The following EYA2 variants were observed in gnomAD, a reference collection of about 807,000 sequenced individuals.
EYA2 encodes the protein protein phosphatase EYA2.
Under a neutral mutation model 69.2 loss-of-function variants are expected in EYA2, and 31 were observed. The observed-to-expected ratio is 0.45, with a 90% CI of 0.34 to 0.60. The LOEUF (loss-of-function observed/expected upper bound fraction) is 0.60. Ranked by LOEUF, EYA2 falls within the 20% of genes least tolerant of loss-of-function variation. The probability of loss-of-function intolerance (pLI) is 0.02; values close to 1 mark genes in which losing one functional copy is unlikely to be tolerated. For synonymous variants in EYA2, 257 were observed against 279.4 expected (o/e 0.92, Z 0.80); for missense variants, 622 against 701.2 (o/e 0.89, Z 1.28).
At chr20:47,172,340 A>G (rs2034338558) in intron 11 of EYA2, among the ~76,000 whole-genome samples, 1 of 151,804 alleles carries the variant, frequency 6.6e-6, no homozygotes, top group Non-Finnish European at 1.5e-5. Flanking sequence ...AGCTCCTCGG[A>G]AGGCTGAGGT....
In EYA2 at chr20:47,173,508, G is replaced by T. The variant is rs4629213; in HGVS notation, c.1198+641G>T. 1.3e-4 allele frequency among the ~76,000 whole-genome samples: 7 copies of T among 52,940 alleles called. No individual in the cohort carries two copies. In the East Asian group the frequency reaches 1.8e-3, roughly 14 times the overall value. 34.7% of individuals were successfully genotyped at this position (52,940 alleles called of 152,430 possible). A position where few individuals can be genotyped will look rare whatever the true frequency, so the allele number is the denominator to read the frequency against. On this transcript the variant is annotated intron_variant, in intron 12 of 15. Transcript: ENST00000327619. ...AGCCTGGGCAACAAAGTGAGACCCC[G>T]TAAAAAAAAAAAAAAAAAAAAAAAC...
At chr20:47,037,237 T>C (rs1440274826) in intron 5 of EYA2, among the ~76,000 whole-genome samples, 2 of 152,106 alleles carry the variant, frequency 1.3e-5, no homozygotes, top group Admixed American at 6.5e-5. Context: ...CCTTGACACC[T>C]GGGGATTATG....
intron 1 of EYA2, among the ~76,000 whole-genome samples, chr20:46,983,282 A>G (rs534256491): frequency 1.3e-5 from 2 of 152,206 alleles, no homozygotes; most frequent in East Asian, 3.9e-4. Context: ...TTTATTGTGT[A>G]TAAAACATTG....
chr20:47,043,286 TTAAG>T (rs1312324186), intron 5 of EYA2, among the ~76,000 whole-genome samples: 1 of 152,134 alleles, frequency 6.6e-6, no homozygotes, highest in Non-Finnish European at 1.5e-5. Flanking sequence ...AGATGTATAT[TTAAG>T]TAGGACAGGA....
intron 5 of EYA2, among the ~76,000 whole-genome samples, chr20:47,063,228 C>A (rs977785954): frequency 6.6e-6 from 1 of 152,152 alleles, no homozygotes; most frequent in South Asian, 2.1e-4. Context: ...AATACTCCAT[C>A]CCCCAGCCCT....
chr20:47,057,510 A>ACCCCCC lies in EYA2; in HGVS notation c.416-14668_416-14663dup, dbSNP rs796462817. 3.8e-4 allele frequency among the ~76,000 whole-genome samples: 36 copies of ACCCCCC among 94,758 alleles called. 2 individuals are homozygous for ACCCCCC. Among genetic ancestry groups the ACCCCCC allele is most frequent in the African/African-American group, 4.1e-4 (12 of 29,422 alleles). 62.2% of individuals were successfully genotyped at this position (94,758 alleles called of 152,430 possible). A position where few individuals can be genotyped will look rare whatever the true frequency, so the allele number is the denominator to read the frequency against. On this transcript the variant is annotated intron_variant, in intron 5 of 15. Transcript: ENST00000327619. Reference sequence around the variant, plus strand: ...TTATCTGCTGACTACTTTTTATATCACCCCCCCCCCCCATCTCATACCTCC... The same window carrying ACCCCCC: ...TTATCTGCTGACTACTTTTTATATCACCCCCCCCCCCCCCCCCCATCTCATACCTCC...
chr20:47,097,245 T>G, intron 9 of EYA2, 77 bp downstream of exon 9: 1 of 1,205,900 alleles, frequency 8.3e-7, no homozygotes, highest in Non-Finnish European at 1.2e-6. Context: ...CTGGAAATTG[T>G]GCGGACAGTT....
intron 1 of EYA2, among the ~76,000 whole-genome samples, chr20:46,989,103 C>T (rs1210343956): frequency 6.6e-6 from 1 of 152,086 alleles, no homozygotes; most frequent in Non-Finnish European, 1.5e-5. Flanking sequence ...CCCTACTCTC[C>T]CCTGCCCGCC....
At chr20:47,172,977 C>G (rs1177272983) in intron 12 of EYA2, 110 bp downstream of exon 12, 8 of 1,252,610 alleles carry the variant, frequency 6.4e-6, no homozygotes, top group South Asian at 4.5e-5. Flanking sequence ...AAGTTCAGTA[C>G]CAGCCCACTT....
At chr20:47,008,900 C>T (rs1467061864) in intron 4 of EYA2, among the ~76,000 whole-genome samples, 1 of 152,246 alleles carries the variant, frequency 6.6e-6, no homozygotes, top group Non-Finnish European at 1.5e-5. Context: ...TGGCTATCTT[C>T]TTCTGTAAAG....
intron 5 of EYA2, among the ~76,000 whole-genome samples, chr20:47,062,895 C>T (rs1945522489): frequency 6.6e-6 from 1 of 152,192 alleles, no homozygotes; most frequent in Non-Finnish European, 1.5e-5. Context: ...ATAGTCTCTT[C>T]TCTCGGGCCT....
intron 4 of EYA2, among the ~76,000 whole-genome samples, chr20:47,008,785 C>G (rs1036160927): frequency 1.3e-5 from 2 of 152,186 alleles, no homozygotes; most frequent in Admixed American, 1.3e-4. Flanking sequence ...GAGCAGCCTC[C>G]CCTCCCTAAA....
chr20:47,023,632 G>GTTTTTTTTTTTTTTTTTTTTTTTTTTT (rs60939329), intron 5 of EYA2, among the ~76,000 whole-genome samples: 1 of 90,116 alleles, frequency 1.1e-5, no homozygotes, highest in African/African-American at 4.3e-5. Flanking sequence ...GATTTTGGGT[G>GTTTTTTTTTTTTTTTTTTTTTTTTTTT]TTTTTTTTTT....
At chr20:47,146,988 G>C (rs117743485) in intron 10 of EYA2, among the ~76,000 whole-genome samples, 1 of 151,982 alleles carries the variant, frequency 6.6e-6, no homozygotes, top group East Asian at 1.9e-4. Context: ...GAGTCAGGGA[G>C]GAGGCTCTCA....
At chr20:47,082,042 G>A (rs1044359316) in intron 7 of EYA2, among the ~76,000 whole-genome samples, 4 of 151,768 alleles carry the variant, frequency 2.6e-5, no homozygotes, top group African/African-American at 7.3e-5. Flanking sequence ...GTTTTACCAC[G>A]TTGGTCAGGC....
At chr20:47,106,467 C>A (rs2032582672) in intron 9 of EYA2, among the ~76,000 whole-genome samples, 1 of 152,176 alleles carries the variant, frequency 6.6e-6, no homozygotes, top group African/African-American at 2.4e-5. Context: ...CTGCTGGGTT[C>A]TTTTTCCTTC....
At chr20:47,175,358 G>T (rs1220255732) in intron 12 of EYA2, among the ~76,000 whole-genome samples, 1 of 152,174 alleles carries the variant, frequency 6.6e-6, no homozygotes, top group East Asian at 1.9e-4. Flanking sequence ...TTGAAATCAG[G>T]GGCCTTAGCC....
intron 15 of EYA2, among the ~76,000 whole-genome samples, chr20:47,183,888 T>G (rs6124964): frequency 0.4 from 61,070 of 151,982 alleles, 12,875 homozygotes; most frequent in Non-Finnish European, 0.48. Context: ...GGTCTGGATC[T>G]GTCAACAGCG....
chr20:46,988,870 C>G (rs1309035171), intron 1 of EYA2, among the ~76,000 whole-genome samples: 1 of 151,140 alleles, frequency 6.6e-6, no homozygotes, highest in Non-Finnish European at 1.5e-5. Context: ...GCCCAGCTAA[C>G]TTTGTTGTAT....
Sources: allele counts gnomAD v4.1 joint callset (sites outside exome capture counted in the v4.1 genomes callset), GRCh38; gene constraint gnomAD v4.1.1; transcripts MANE v1.5; gene names NCBI Gene and HGNC (gene_info 2026-07-23, HGNC 2026-07-21).